The following SERPINA3 variants were observed in gnomAD, a reference collection of about 807,000 sequenced individuals.
SERPINA3 encodes the protein serpin family A member 3, also known as alpha-1-antichymotrypsin.
In SERPINA3, 32 loss-of-function variants were observed where a neutral mutation model predicts 26.8. That is an observed-to-expected ratio of 1.20 (90% CI 0.90 to 1.61). SERPINA3 has a LOEUF of 1.61. SERPINA3 is among the 40% of genes most tolerant of loss of function. SERPINA3 has a pLI of 0.00. For synonymous variants in SERPINA3, 252 were observed against 206.4 expected, an observed-to-expected ratio of 1.22 and a Z score of -1.89; for missense variants, 632 against 517.9, an observed-to-expected ratio of 1.22 and a Z score of -2.14.
At chr14:94,615,931 A>G (rs1885980309) in intron 2 of SERPINA3, among the ~76,000 whole-genome samples, 1 of 152,182 alleles carries the variant, frequency 6.6e-6, no homozygotes, top group Non-Finnish European at 1.5e-5. Context: ...ACTGAGCCAG[A>G]GGGTGGAAAG....
chr14:94,615,562 G>A (rs1031950656), intron 2 of SERPINA3: 4 of 408,666 alleles, frequency 9.8e-6, no homozygotes, highest in Non-Finnish European at 2.0e-5. Context: ...TGGGGCTGGG[G>A]CCATCTTCAC....
In SERPINA3 at chr14:94,623,851, C is replaced by T. The variant is rs117262594; in HGVS notation, c.*37C>T. On this transcript the variant is annotated 3_prime_UTR_variant, in exon 5 of 5. Coordinates refer to ENST00000393078, the MANE Select transcript of SERPINA3 (RefSeq NM_001085.5). ...AAGCAGTGGGGCTCTCAGTAAGGAACTTGGAATGCAAGCTGGATGCCTGGG... is the reference window on the plus strand; with the variant it reads ...AAGCAGTGGGGCTCTCAGTAAGGAATTTGGAATGCAAGCTGGATGCCTGGG... The T allele has an allele frequency of 4.5e-4, 708 of 1,581,796 alleles. 4 individuals carry two copies. The East Asian group carries it at 0.015, about 34-fold the overall frequency.
chr14:94,613,212 T>C (rs1286679765), intron 1 of SERPINA3: 1 of 149,334 alleles, frequency 6.7e-6, no homozygotes, highest in Non-Finnish European at 1.5e-5. Context: ...TTTCCTTCCT[T>C]CCCTTCCTTC....
chr14:94,616,455 C>A (rs1886002733), intron 2 of SERPINA3, among the ~76,000 whole-genome samples: 1 of 152,150 alleles, frequency 6.6e-6, no homozygotes, highest in Admixed American at 6.5e-5. Context: ...ACTGCTGGGG[C>A]AGCCCTGTGG....
At chr14:94,619,806 G>T in intron 3 of SERPINA3, 1 of 402,188 alleles carries the variant, frequency 2.5e-6, no homozygotes, top group Non-Finnish European at 4.7e-6. Context: ...GATCAGTTGA[G>T]GGCTGCAGTG....
In SERPINA3 at chr14:94,623,628, G is replaced by A; in HGVS notation, c.1086G>A (p.Val362=). The part of the protein sequence containing the change: ...LAVSQVVHKA[V]LDVFEEGTEA... ...CCCCACAGGTGGTCCATAAGGCTGT[G>A]CTTGATGTATTTGAGGAGGGCACAG... Residue 362 remains valine, a synonymous_variant, in exon 5 of 5, where the codon GTG becomes GTA. Coordinates refer to ENST00000393078, the MANE Select transcript of SERPINA3 (RefSeq NM_001085.5). The A allele has an allele frequency of 1.9e-6, 3 of 1,614,152 alleles. No homozygotes were observed. The highest frequency in any genetic ancestry group is 2.5e-6 in the Non-Finnish European group (3 of 1,180,036).
Position 94,622,462 on chromosome 14 carries a change from A to G in SERPINA3, c.1039A>G (p.Thr347Ala), listed in dbSNP as rs1243358692. 6.2e-7 allele frequency: 1 copy of G among 1,614,190 alleles called. No individual in the cohort carries two copies. The highest frequency in any genetic ancestry group is 1.1e-5 in the South Asian group (1 of 91,082). ...FTSKADLSGITGARNLAVSQV... is the reference protein window; with the variant it reads ...FTSKADLSGIAGARNLAVSQV... ...CAGCAAGGCTGACCTGTCAGGGATCACAGGGGCCAGGAACCTAGCAGTCTC... is the reference window on the plus strand; with the variant it reads ...CAGCAAGGCTGACCTGTCAGGGATCGCAGGGGCCAGGAACCTAGCAGTCTC... The change falls in exon 4 of 5, where the codon ACA becomes GCA. Residue 347 changes from threonine to alanine, a missense_variant. By Grantham distance (58) the Thr-to-Ala change is moderately conservative (BLOSUM62 0). Transcript: ENST00000393078.
intron 2 of SERPINA3, among the ~76,000 whole-genome samples, chr14:94,617,003 G>A (rs1886029358): frequency 6.6e-6 from 1 of 152,156 alleles, no homozygotes; most frequent in African/African-American, 2.4e-5. Flanking sequence ...TCCCCATTCT[G>A]GCATACAAGG....
chr14:94,616,395 C>G (rs1885999840), intron 2 of SERPINA3, among the ~76,000 whole-genome samples: 1 of 152,162 alleles, frequency 6.6e-6, no homozygotes, highest in Non-Finnish European at 1.5e-5. Context: ...GCCAGTTTTG[C>G]TCCCTGCCTC....
At chr14:94,620,468 G>T (rs2139962598) in intron 3 of SERPINA3, among the ~76,000 whole-genome samples, 1 of 152,290 alleles carries the variant, frequency 6.6e-6, no homozygotes, top group South Asian at 2.1e-4. Flanking sequence ...CTTAGGTAGG[G>T]CCACGTAGAC....
intron 2 of SERPINA3, among the ~76,000 whole-genome samples, chr14:94,615,723 G>C (rs1037902240): frequency 6.6e-6 from 1 of 152,254 alleles, no homozygotes. Flanking sequence ...AGAGCCTCAA[G>C]GGTGGGCAGT....
rs749137373 is a variant in SERPINA3 at position 94,614,672 on chromosome 14, A to G, written c.231A>G (p.Pro77=). Residue 77 remains proline (P), a synonymous_variant, in exon 2 of 5, where the codon CCA becomes CCG. Transcript: ENST00000393078. ...KAPDKNVIFS[P]LSISTALAFL... ...CTGATAAGAATGTCATCTTCTCCCC[A>G]CTGAGCATCTCCACCGCCTTGGCCT... 6.2e-7 allele frequency: 1 copy of G among 1,613,878 alleles called. No homozygotes were observed. The highest frequency in any genetic ancestry group is 1.1e-5 in the South Asian group (1 of 91,036).
chr14:94,619,383 C>T lies in SERPINA3; in HGVS notation c.832C>T (p.Leu278Phe). 1 of 1,614,154 alleles carries T rather than the reference C, an allele frequency of 6.2e-7. No homozygotes were observed. The highest frequency in any genetic ancestry group is 1.1e-5 in the South Asian group (1 of 91,078). The change falls in exon 3 of 5, where the codon CTC becomes TTC. Residue 278 changes from leucine (L) to phenylalanine (F), a missense_variant. Coordinates refer to ENST00000393078, the MANE Select transcript of SERPINA3 (RefSeq NM_001085.5). The stretch of plus-strand genomic sequence containing the variant: ...AGGCAATGCCAGCGCACTCTTCATC[C>T]TCCCTGATCAAGACAAGATGGAGGA... The part of the protein sequence containing the change: ...YTGNASALFI[L>F]PDQDKMEEVE...
chr14:94,617,392 A>G (rs2139958057), intron 2 of SERPINA3, among the ~76,000 whole-genome samples: 2 of 152,310 alleles, frequency 1.3e-5, no homozygotes, highest in South Asian at 4.1e-4. Flanking sequence ...GGAAGTGTCA[A>G]GAAGGAAGAT....
At chr14:94,618,337 T>C (rs919494334) in intron 2 of SERPINA3, 1 of 152,144 alleles carries the variant, frequency 6.6e-6, no homozygotes, top group African/African-American at 2.4e-5. Context: ...AGGCTGCATT[T>C]CAGGTTTGTG....
chr14:94,614,874 G>C lies in SERPINA3; in HGVS notation c.433G>C (p.Glu145Gln). Residue 145 changes from glutamate (E) to glutamine (Q), a missense_variant, in exon 2 of 5, where the codon GAG becomes CAG. Coordinates refer to ENST00000393078, the MANE Select transcript of SERPINA3 (RefSeq NM_001085.5). ...LSMGNAMFVK[E>Q]QLSLLDRFTE... ...TATGGGAAATGCCATGTTTGTCAAA[G>C]AGCAACTCAGTCTGCTGGACAGGTT... 3 of 1,614,200 alleles carry C rather than the reference G, an allele frequency of 1.9e-6. No individual in the cohort carries two copies. The highest frequency in any genetic ancestry group is 2.5e-6 in the Non-Finnish European group (3 of 1,180,040).
At chr14:94,615,508 G>A (rs755483694) in intron 2 of SERPINA3, 3 of 456,102 alleles carry the variant, frequency 6.6e-6, no homozygotes, top group Non-Finnish European at 1.3e-5. Flanking sequence ...CATGTGGGAG[G>A]AGCACATTCC....
rs764398968 is a variant in SERPINA3, at chr14:94,614,445, G to A, written c.4G>A (p.Glu2Lys). M[E>K]RMLPLLALGL... Reference sequence around the variant, plus strand: ...GCTTTGCTTTTCAGAGTTGAGAATGGAGAGAATGTTACCTCTCCTGGCTCT... The same window carrying A: ...GCTTTGCTTTTCAGAGTTGAGAATGAAGAGAATGTTACCTCTCCTGGCTCT... The change falls in exon 2 of 5, where the codon GAG (glutamate) becomes AAG (lysine). Residue 2 changes from glutamate (E) to lysine (K), a missense_variant. Glu to Lys is a moderately conservative substitution (Grantham distance 56). Coordinates refer to ENST00000393078, the MANE Select transcript of SERPINA3 (RefSeq NM_001085.5). 2 of 1,613,542 alleles carry A rather than the reference G, an allele frequency of 1.2e-6. No individual in the cohort carries two copies. The highest frequency in any genetic ancestry group is 1.3e-5 in the African/African-American group (1 of 74,890).
At chr14:94,618,341 G>A (rs984751454) in intron 2 of SERPINA3, 2 of 152,096 alleles carry the variant, frequency 1.3e-5, no homozygotes, top group East Asian at 3.9e-4. Context: ...TGCATTTCAG[G>A]TTTGTGATAG....
Sources: allele counts gnomAD v4.1 joint callset (sites outside exome capture counted in the v4.1 genomes callset), GRCh38; gene constraint gnomAD v4.1.1; transcripts MANE v1.5; gene names NCBI Gene and HGNC (gene_info 2026-07-23, HGNC 2026-07-21).